Variants in CDON observed in about 807,000 individuals in gnomAD.
CDON encodes cell adhesion molecule-related/down-regulated by oncogenes.
Under a neutral mutation model 120.9 loss-of-function variants are expected in CDON, and 73 were observed. The observed-to-expected ratio is 0.60, with a 90% CI of 0.50 to 0.73. CDON has a LOEUF of 0.73. CDON is among the 30% of genes least tolerant of loss of function. The probability of loss-of-function intolerance (pLI) is 0.00; values close to 1 mark genes in which losing one functional copy is unlikely to be tolerated. For missense variants in CDON, 1,470 were observed against 1,587.3 expected (o/e 0.93, Z 1.26); for synonymous variants, 566 against 573.5 (o/e 0.99, Z 0.19).
chr11:125,998,294 T>C (rs930840162), intron 11 of CDON, among the ~76,000 whole-genome samples: 17 of 152,282 alleles, frequency 1.1e-4, no homozygotes, highest in African/African-American at 3.9e-4. Context: ...TCCCCAATGT[T>C]GGAGGTGGGG....
At chr11:125,966,976 T>C (rs1945818866) in intron 18 of CDON, among the ~76,000 whole-genome samples, 2 of 148,512 alleles carry the variant, frequency 1.3e-5, no homozygotes, top group Admixed American at 1.3e-4. Flanking sequence ...CTGTAAGAAA[T>C]ATTAAGGGAA....
chr11:126,004,999 C>T (rs1486038083), intron 9 of CDON, among the ~76,000 whole-genome samples: 3 of 152,090 alleles, frequency 2.0e-5, no homozygotes, highest in Admixed American at 2.0e-4. Context: ...GACTTTAATA[C>T]AATTAAAAAG....
chr11:126,059,436 C>T (rs1001243274), intron 1 of CDON, among the ~76,000 whole-genome samples: 7 of 152,068 alleles, frequency 4.6e-5, no homozygotes, highest in African/African-American at 1.7e-4. Context: ...TTAGATCTGC[C>T]AACATATGGA....
Position 125,981,158 on chromosome 11 carries a change from G to A in CDON, c.3167C>T (p.Ala1056Val). Reference sequence around the variant, plus strand: ...GCTCCCATTCACAATTCCATTGACTGCATTGGGGACCTTATGGTGAAGGTG... The same window carrying A: ...GCTCCCATTCACAATTCCATTGACTACATTGGGGACCTTATGGTGAAGGTG... ...YSHLHHKVPN[A>V]VNGIVNGSLN... The change falls in exon 17 of 20, where the codon GCA becomes GTA. Residue 1056 changes from alanine (A) to valine (V), a missense_variant. Physicochemically the swap from Ala to Val is moderately conservative, Grantham distance 64. Transcript: ENST00000531738. 6.2e-7 allele frequency: 1 copy of A among 1,614,122 alleles called. No homozygotes were observed. The highest frequency in any genetic ancestry group is 1.3e-5 in the African/African-American group (1 of 75,016).
intron 1 of CDON, among the ~76,000 whole-genome samples, chr11:126,023,973 G>C (rs959451652): frequency 5.3e-5 from 8 of 152,182 alleles, no homozygotes; most frequent in Non-Finnish European, 1.0e-4. Context: ...TTTAATACAC[G>C]AATTTAATCT....
intron 7 of CDON, among the ~76,000 whole-genome samples, chr11:126,012,471 A>G (rs1220261439): frequency 1.3e-5 from 2 of 151,784 alleles, no homozygotes; most frequent in Non-Finnish European, 2.9e-5. Flanking sequence ...GTGCGATCTC[A>G]GCTCACTGCA....
At chr11:126,048,830 A>G (rs1271588385) in intron 1 of CDON, among the ~76,000 whole-genome samples, 1 of 152,152 alleles carries the variant, frequency 6.6e-6, no homozygotes, top group African/African-American at 2.4e-5. Context: ...CAACCTCCCA[A>G]GTAGCTGGGA....
rs576546439 is a variant in CDON, at chr11:125,961,830, G to A, written c.3525C>T (p.Ser1175=). ...GGACTGGTTCCACATTGTCCTTGACGCTCTCCTCCGGCAACTGGCCACAAT... is the reference window on the plus strand; with the variant it reads ...GGACTGGTTCCACATTGTCCTTGACACTCTCCTCCGGCAACTGGCCACAAT... ...VPDCGQLPEE[S]VKDNVEPVPT... Residue 1175 remains serine, a synonymous_variant, in exon 19 of 20, where the codon AGC becomes AGT. Transcript: ENST00000531738. 27 of 1,614,026 alleles carry A rather than the reference G, an allele frequency of 1.7e-5. No individual in the cohort carries two copies. The highest frequency in any genetic ancestry group is 1.6e-4 in the Middle Eastern group (1 of 6,084).
chr11:125,967,310 C>T (rs1004195746), intron 18 of CDON, among the ~76,000 whole-genome samples: 3 of 152,168 alleles, frequency 2.0e-5, no homozygotes, highest in African/African-American at 7.2e-5. Flanking sequence ...TAGAAAATGA[C>T]ACACAATAGG....
chr11:125,986,613 A>C (rs544895012), intron 15 of CDON, among the ~76,000 whole-genome samples: 1 of 152,008 alleles, frequency 6.6e-6, no homozygotes, highest in South Asian at 2.1e-4. Context: ...AAAATACAAA[A>C]AATTAGCCAG....
At chr11:126,056,540 C>T (rs544697335) in intron 1 of CDON, among the ~76,000 whole-genome samples, 3 of 152,190 alleles carry the variant, frequency 2.0e-5, no homozygotes, top group South Asian at 2.1e-4. Context: ...AGAACACCCA[C>T]AAAATCCTTA....
At chr11:125,981,968 T>TCC (rs1946320342) in intron 16 of CDON, among the ~76,000 whole-genome samples, 2 of 123,478 alleles carry the variant, frequency 1.6e-5, no homozygotes, top group African/African-American at 7.3e-5. Context: ...TGATTCTATT[T>TCC]TCTTTTTTTT....
intron 1 of CDON, among the ~76,000 whole-genome samples, chr11:126,030,587 CCT>C (rs1947917874): frequency 6.6e-6 from 1 of 152,118 alleles, no homozygotes; most frequent in Non-Finnish European, 1.5e-5. Context: ...ATGGTAATTT[CCT>C]TTTTTAAAAC....
chr11:126,002,764 GCTCA>G (rs1343527332), intron 10 of CDON, among the ~76,000 whole-genome samples: 5 of 152,112 alleles, frequency 3.3e-5, no homozygotes, highest in Admixed American at 2.6e-4. Flanking sequence ...GCTCTTCTCA[GCTCA>G]CTCAGAGGTA....
At chr11:126,045,012 C>T (rs1259666920) in intron 1 of CDON, among the ~76,000 whole-genome samples, 3 of 150,724 alleles carry the variant, frequency 2.0e-5, no homozygotes, top group Non-Finnish European at 4.4e-5. Context: ...TATTAGGTAC[C>T]TATAATAATT....
At chr11:126,038,566 C>T (rs1040213696) in intron 1 of CDON, among the ~76,000 whole-genome samples, 2 of 151,880 alleles carry the variant, frequency 1.3e-5, no homozygotes, top group African/African-American at 2.4e-5. Context: ...GCAGGAGAAT[C>T]GCTTGAACCC....
At chr11:125,972,850 G>A (rs1946040576) in intron 18 of CDON, among the ~76,000 whole-genome samples, 1 of 151,800 alleles carries the variant, frequency 6.6e-6, no homozygotes, top group Non-Finnish European at 1.5e-5. Flanking sequence ...TAAAGAAGGC[G>A]AATTGCAGAG....
At chr11:126,030,613 G>A (rs1457565643) in intron 1 of CDON, among the ~76,000 whole-genome samples, 3 of 152,048 alleles carry the variant, frequency 2.0e-5, no homozygotes, top group Non-Finnish European at 4.4e-5. Context: ...GATTCATCTC[G>A]ATTTTCAAAC....
chr11:125,960,819 T>C lies in CDON; in HGVS notation c.*123A>G. ...AGATACATTCATATGACATTACTAC[T>C]ACAAAAAAATAAATAATGATTTTCT... On this transcript the variant is annotated 3_prime_UTR_variant, in exon 20 of 20. Transcript: ENST00000531738. 1.1e-6 allele frequency: 1 copy of C among 922,782 alleles called. No homozygotes were observed. Among genetic ancestry groups the C allele is most frequent in the Non-Finnish European group, 1.8e-6 (1 of 559,810 alleles). The allele number at this position is 922,782 out of a possible 1,614,324, so 57.2% of individuals were successfully genotyped here. A position where few individuals can be genotyped will look rare whatever the true frequency, so the allele number is the denominator to read the frequency against.
Sources: gnomAD v4.1 joint callset for allele counts (sites outside exome capture counted in the v4.1 genomes callset) on GRCh38, gnomAD v4.1.1 for gene constraint, MANE v1.5 for transcripts, NCBI Gene and HGNC (gene_info 2026-07-23, HGNC 2026-07-21) for gene names.